The following CER1 variants were observed in gnomAD, a reference collection of about 807,000 sequenced individuals.
The protein encoded by CER1 is cerberus.
A neutral mutation model predicts 11.8 loss-of-function variants in CER1; 10 were observed. The ratio of observed to expected loss-of-function variants is 0.85; its 90% CI spans 0.52 to 1.44. The LOEUF is 1.44. CER1 is among the 40% of genes most tolerant of loss of function. The pLI, the probability that CER1 is intolerant of heterozygous loss-of-function variation, is 0.00. For missense variants in CER1, 431 were observed against 327.0 expected (o/e 1.32, Z -2.45); for synonymous variants, 141 against 122.3 (o/e 1.15, Z -1.01).
downstream of CER1, among the ~76,000 whole-genome samples, chr9:14,719,195 T>C (rs544723751): frequency 1.6e-4 from 25 of 152,342 alleles, no homozygotes; most frequent in Non-Finnish European, 3.4e-4. Context: ...CATCTCTGGA[T>C]TGATCTCTAA....
At chr9:14,719,587 C>G (rs540097231), downstream of CER1, 1 of 136,436 alleles carries the variant, frequency 7.3e-6, no homozygotes, top group Admixed American at 6.9e-5. Context: ...TCCTTCCTTC[C>G]TTCCTTCCTT....
At position 14,720,213 on chromosome 9, in the gene CER1, G is replaced by A; in HGVS notation, c.681C>T (p.Ser227=). 1 of 1,614,168 alleles carries A rather than the reference G, an allele frequency of 6.2e-7. No homozygotes were observed. The highest frequency in any genetic ancestry group is 8.5e-7 in the Non-Finnish European group (1 of 1,180,024). The change falls in exon 2 of 2, where the codon TCC becomes TCT. Residue 227 remains serine (S), a synonymous_variant. Coordinates refer to ENST00000380911, the MANE Select transcript of CER1 (RefSeq NM_005454.3). ...CCAGCATCACCACCTTGATCACGGA[G>A]GAAAGTTCAGTGCAGTTCAGTGGCA... ...MHLPLNCTEL[S]SVIKVVMLVE...
At chr9:14,718,381 T>TA (rs150043795), downstream of CER1, among the ~76,000 whole-genome samples, 666 of 152,310 alleles carry the variant, frequency 4.4e-3, 2 homozygotes, top group African/African-American at 0.015. Context: ...GAGATATCAT[T>TA]AATGCTTAAC....
At chr9:14,721,463 A>G (rs982211630) in intron 1 of CER1, among the ~76,000 whole-genome samples, 4 of 152,196 alleles carry the variant, frequency 2.6e-5, no homozygotes, top group Non-Finnish European at 5.9e-5. Context: ...AGGAGATATG[A>G]TCTCACATCA....
In CER1 at chr9:14,722,360, AG is replaced by A. The variant is rs1453938113; in HGVS notation, c.312del (p.Phe105SerfsTer12). ...ATGAGGGACTGGGTCCCAGGTGGGAAGGGCTCACTATCTGAGTCCCTGGATG... is the reference window on the plus strand; with the variant it reads ...ATGAGGGACTGGGTCCCAGGTGGGAAGGCTCACTATCTGAGTCCCTGGATG... ...MHPSRDSDSE[P>X]FPPGTQSLIQ... is the part of the protein sequence containing the mutation. On this transcript the variant is annotated frameshift_variant, in exon 1 of 2. Transcript: ENST00000380911. LOFTEE classifies it high-confidence loss of function. 3 of 1,614,078 alleles carry A rather than the reference AG, an allele frequency of 1.9e-6. No individual in the cohort carries two copies. The African/African-American group carries it at 4.0e-5, about 22-fold the overall frequency.
At chr9:14,722,089 TTCCCCTACTCTCCATCCA>T in intron 1 of CER1, 59 bp downstream of exon 1, 1 of 1,489,266 alleles carries the variant, frequency 6.7e-7, no homozygotes, top group Admixed American at 2.1e-5. Context: ...TGACAGCCTT[TTCCCCTACTCTCCATCCA>T]TCCCAGCTGT....
chr9:14,720,520 A>C, intron 1 of CER1, 134 bp from the exon 2 acceptor site: 1 of 851,300 alleles, frequency 1.2e-6, no homozygotes, highest in South Asian at 1.8e-5. Context: ...ACAATTTGCA[A>C]TATGCAAGTG....
At chr9:14,718,013 A>G (rs73644839), downstream of CER1, among the ~76,000 whole-genome samples, 1,942 of 152,290 alleles carry the variant, frequency 0.013, 53 homozygotes, top group African/African-American at 0.045. Context: ...ACAGTCTTAC[A>G]TATTATGTTC....
At chr9:14,720,408 A>G (rs1240821374) in intron 1 of CER1, 22 bp from the exon 2 acceptor site, 1 of 1,589,634 alleles carries the variant, frequency 6.3e-7, no homozygotes, top group South Asian at 1.1e-5. Context: ...ACACATTTCC[A>G]TTACGTTATT....
At position 14,720,145 on chromosome 9, in the gene CER1, C is replaced by T; in HGVS notation, c.749G>A (p.Gly250Glu). The T allele has an allele frequency of 6.2e-7, 1 of 1,614,144 alleles. No homozygotes were observed. Among genetic ancestry groups the T allele is most frequent in the Non-Finnish European group, 8.5e-7 (1 of 1,180,038 alleles). ...QCKVKTEHEDGHILHAGSQDS... is the reference protein window; with the variant it reads ...QCKVKTEHEDEHILHAGSQDS... ...CTGGGAGCCAGCATGTAGGATGTGTCCATCTTCATGCTCCGTCTTCACCTT... is the reference window on the plus strand; with the variant it reads ...CTGGGAGCCAGCATGTAGGATGTGTTCATCTTCATGCTCCGTCTTCACCTT... The change falls in exon 2 of 2, where the codon GGA (glycine) becomes GAA (glutamate). Residue 250 changes from glycine (G) to glutamate (E), a missense_variant. Physicochemically the swap from Gly to Glu is moderately conservative, Grantham distance 98. Coordinates refer to ENST00000380911, the MANE Select transcript of CER1 (RefSeq NM_005454.3).
rs569852787 is a variant in CER1 at position 14,720,781 on chromosome 9, A to G, written c.508-395T>C. ...GCTTTGTGCATAGTAGGCTCCCAAT[A>G]CATATTTGTTACATTGATCGTAGAA... is the stretch of plus-strand genomic sequence containing the variant. On this transcript the variant is annotated intron_variant, in intron 1 of 1. Transcript: ENST00000380911. Among the ~76,000 whole-genome samples the G allele has an allele frequency of 5.8e-4, 89 of 152,300 alleles. 1 individual carries two copies. The highest frequency in any genetic ancestry group is 2.1e-3 in the Admixed American group (32 of 15,298).
At chr9:14,717,408 T>G (rs944096437), downstream of CER1, among the ~76,000 whole-genome samples, 5 of 152,148 alleles carry the variant, frequency 3.3e-5, no homozygotes, top group Admixed American at 6.5e-5. Context: ...GTTTTCAATT[T>G]CTCAAAACAA....
downstream of CER1, among the ~76,000 whole-genome samples, chr9:14,717,341 T>A (rs1587559816): frequency 3.9e-5 from 6 of 152,248 alleles, no homozygotes; most frequent in South Asian, 1.2e-3. Flanking sequence ...AAATAGTAAC[T>A]ATTTATTTCG....
Position 14,719,965 on chromosome 9 carries a change from T to C in CER1, c.*125A>G. On this transcript the variant is annotated 3_prime_UTR_variant, in exon 2 of 2. Transcript: ENST00000380911. Reference sequence around the variant, plus strand: ...TATCATTTCCTCTATCGTTCTAATTTAAAACTACGTTTCAAGTCACCTTTC... The same window carrying C: ...TATCATTTCCTCTATCGTTCTAATTCAAAACTACGTTTCAAGTCACCTTTC... The C allele has an allele frequency of 1.2e-6, 1 of 852,290 alleles. No individual in the cohort carries two copies. The highest frequency in any genetic ancestry group is 2.6e-5 in the East Asian group (1 of 38,832). 52.8% of individuals were successfully genotyped at this position (852,290 alleles called of 1,614,324 possible). A position where few individuals can be genotyped will look rare whatever the true frequency, so the allele number is the denominator to read the frequency against.
downstream of CER1, among the ~76,000 whole-genome samples, chr9:14,717,737 A>G (rs1331726323): frequency 1.3e-5 from 2 of 152,224 alleles, no homozygotes; most frequent in Non-Finnish European, 2.9e-5. Flanking sequence ...TTTGAAGCCT[A>G]TAGGCAAGAG....
In CER1 at chr9:14,720,241, TG is replaced by T; in HGVS notation, c.652del (p.His218ThrfsTer4). The T allele has an allele frequency of 6.2e-7, 1 of 1,614,116 alleles. No individual in the cohort carries two copies. The highest frequency in any genetic ancestry group is 8.5e-7 in the Non-Finnish European group (1 of 1,180,028). On this transcript the variant is annotated frameshift_variant, in exon 2 of 2. Transcript: ENST00000380911. LOFTEE classifies it low-confidence loss of function (END_TRUNC). ...AAGTTCAGTGCAGTTCAGTGGCAAG[TG>T]CATCGTGGTGAACTTGGCAGGCAAA... The part of the protein sequence containing the change: ...HCLPAKFTTM[H>X]LPLNCTELSS...
chr9:14,720,525 C>G (rs1384644780), intron 1 of CER1, 139 bp from the exon 2 acceptor site: 1 of 798,174 alleles, frequency 1.3e-6, no homozygotes, highest in Non-Finnish European at 1.9e-6. Flanking sequence ...TTGCAATATG[C>G]AAGTGATGGT....
intron 1 of CER1, among the ~76,000 whole-genome samples, chr9:14,720,748 C>T (rs954790498): frequency 6.6e-6 from 1 of 152,072 alleles, no homozygotes; most frequent in Non-Finnish European, 1.5e-5. Flanking sequence ...TTTTTTATTC[C>T]TCACAGGGCT....
downstream of CER1, among the ~76,000 whole-genome samples, chr9:14,719,481 T>G (rs1210539278): frequency 6.6e-6 from 1 of 152,088 alleles, no homozygotes; most frequent in African/African-American, 2.4e-5. Context: ...AGTATGAGAA[T>G]CTTTCCTACA....
Sources: allele counts gnomAD v4.1 joint callset (sites outside exome capture counted in the v4.1 genomes callset), GRCh38; gene constraint gnomAD v4.1.1; transcripts MANE v1.5; gene names NCBI Gene and HGNC (gene_info 2026-07-23, HGNC 2026-07-21).